The following CFAP44 variants were observed in gnomAD, a reference collection of about 807,000 sequenced individuals.
CFAP44 encodes cilia- and flagella-associated protein 44.
In CFAP44, 134 loss-of-function variants were observed where a neutral mutation model predicts 216.2. That is an observed-to-expected ratio of 0.62 (90% CI 0.54 to 0.72). The LOEUF (loss-of-function observed/expected upper bound fraction) is 0.72, where lower values mean the gene tolerates loss of function less well. CFAP44 is among the 30% of genes least tolerant of loss of function. The pLI is 0.00. For missense variants in CFAP44, 2,035 were observed against 2,182.1 expected (o/e 0.93, Z 1.34); for synonymous variants, 700 against 727.6 (o/e 0.96, Z 0.61).
At chr3:113,404,153 A>G in intron 8 of CFAP44, 137 bp from the exon 9 acceptor site, 1 of 1,115,506 alleles carries the variant, frequency 9.0e-7, no homozygotes, top group Admixed American at 3.1e-5. Context: ...AAATAAAAAA[A>G]TACAGAAATG....
At chr3:113,366,738 A>C (rs2107318289) in intron 18 of CFAP44, among the ~76,000 whole-genome samples, 1 of 152,290 alleles carries the variant, frequency 6.6e-6, no homozygotes, top group Non-Finnish European at 1.5e-5. Context: ...GATGGAGGGC[A>C]AGCCGAAGCA....
chr3:113,411,073 A>C lies in CFAP44; in HGVS notation c.674-1751T>G, dbSNP rs577562481. Among the ~76,000 whole-genome samples, 174 of 152,164 alleles carry C rather than the reference A, an allele frequency of 1.1e-3. 1 individual carries two copies. Among genetic ancestry groups the C allele is most frequent in the African/African-American group, 3.2e-3 (131 of 41,534 alleles). ...CTTTGTCAGATGAGTAGATTGCAAA[A>C]ATTTTCTCCCATTCTGTAAGTTGCC... On this transcript the variant is annotated intron_variant, in intron 6 of 34. Coordinates refer to ENST00000393845, the MANE Select transcript of CFAP44 (RefSeq NM_001164496.2).
intron 15 of CFAP44, among the ~76,000 whole-genome samples, chr3:113,382,661 T>G (rs749165764): frequency 6.6e-6 from 1 of 150,598 alleles, no homozygotes. Context: ...GAAAAAAAAC[T>G]GGGAGAAAGT....
chr3:113,344,223 A>G (rs1298559739), intron 23 of CFAP44, among the ~76,000 whole-genome samples: 1 of 151,998 alleles, frequency 6.6e-6, no homozygotes, highest in Non-Finnish European at 1.5e-5. Flanking sequence ...AGCAGCATCC[A>G]GTCCTCTCAC....
At chr3:113,348,248 G>A (rs906761427) in intron 22 of CFAP44, among the ~76,000 whole-genome samples, 3 of 152,072 alleles carry the variant, frequency 2.0e-5, no homozygotes, top group Non-Finnish European at 4.4e-5. Flanking sequence ...CCTTTCACAT[G>A]GGAAACACTC....
Position 113,416,619 on chromosome 3 carries a change from T to C in CFAP44, c.579A>G (p.Pro193=). 2 of 1,602,652 alleles carry C rather than the reference T, an allele frequency of 1.2e-6. No homozygotes were observed. The highest frequency in any genetic ancestry group is 1.7e-6 in the Non-Finnish European group (2 of 1,174,014). ...CAGCTACTGTGAAATAAGTTTTATG[T>C]GGATGAACCTACAAAAGATAAAATT... is the stretch of plus-strand genomic sequence containing the variant. ...GEGIGVIGVH[P]HKTYFTVAEK... The change falls in exon 6 of 35, where the codon CCA becomes CCG. Residue 193 remains proline, a synonymous_variant. Coordinates refer to ENST00000393845, the MANE Select transcript of CFAP44 (RefSeq NM_001164496.2).
chr3:113,365,035 TC>T (rs1559924705), intron 19 of CFAP44, among the ~76,000 whole-genome samples: 1 of 152,144 alleles, frequency 6.6e-6, no homozygotes, highest in African/African-American at 2.4e-5. Flanking sequence ...TATTTTTCTA[TC>T]CAATATGGGT....
intron 4 of CFAP44, among the ~76,000 whole-genome samples, chr3:113,421,487 T>C (rs1387734823): frequency 6.6e-6 from 1 of 152,234 alleles, no homozygotes; most frequent in African/African-American, 2.4e-5. Context: ...ATCCAATTAC[T>C]GGGGATATAC....
Position 113,298,474 on chromosome 3 carries a change from C to T in CFAP44, c.5078-1589G>A, listed in dbSNP as rs979252052. Among the ~76,000 whole-genome samples the T allele has an allele frequency of 5.9e-5, 9 of 152,140 alleles. No individual in the cohort carries two copies. In the South Asian group the frequency reaches 1.2e-3, roughly 21 times the overall value. ...AAGCCATATGGTCCAGCCATATATC[C>T]CAATTCTGGGCACATATCCAAAAGA... On this transcript the variant is annotated intron_variant, in intron 32 of 34. Transcript: ENST00000393845.
chr3:113,409,330 G>A lies in CFAP44; in HGVS notation c.674-8C>T. The A allele has an allele frequency of 1.2e-6, 2 of 1,610,416 alleles. No homozygotes were observed. Among genetic ancestry groups the A allele is most frequent in the Non-Finnish European group, 1.7e-6 (2 of 1,177,600 alleles). The stretch of plus-strand genomic sequence containing the variant: ...ATCCCTTCTCAGTCCCATCTGGAAG[G>A]ATAAATGGAAGCCTAATAAATAAGG... On this transcript the variant is annotated splice_polypyrimidine_tract_variant and splice_region_variant and intron_variant, in intron 6 of 34. Transcript: ENST00000393845.
At chr3:113,322,776 T>C (rs970206738) in intron 28 of CFAP44, among the ~76,000 whole-genome samples, 1 of 152,230 alleles carries the variant, frequency 6.6e-6, no homozygotes. Context: ...AAAAGACATA[T>C]GCACTCATGT....
intron 22 of CFAP44, among the ~76,000 whole-genome samples, chr3:113,353,962 C>A (rs1950469668): frequency 6.6e-6 from 1 of 152,006 alleles, no homozygotes; most frequent in Non-Finnish European, 1.5e-5. Flanking sequence ...TCCCATAAAC[C>A]TGATAATACA....
intron 28 of CFAP44, among the ~76,000 whole-genome samples, chr3:113,310,030 G>A (rs910230768): frequency 2.6e-5 from 4 of 152,320 alleles, no homozygotes; most frequent in African/African-American, 9.6e-5. Context: ...AATCAGCAAA[G>A]GTTAAGTGGA....
chr3:113,366,204 G>A lies in CFAP44; in HGVS notation c.2550C>T (p.His850=). Residue 850 remains histidine, a synonymous_variant, in exon 19 of 35, where the codon CAC becomes CAT. Coordinates refer to ENST00000393845, the MANE Select transcript of CFAP44 (RefSeq NM_001164496.2). ...PSLTSLVDYW[H]FNMHDNNYGC... ...CATAATTATTGTCATGCATATTGAA[G>A]TGCCAGTAGTCCACCAAACTGGTCA... 1 of 1,613,990 alleles carries A rather than the reference G, an allele frequency of 6.2e-7. No homozygotes were observed.
chr3:113,334,876 A>T (rs952629438), intron 24 of CFAP44, among the ~76,000 whole-genome samples: 1 of 152,230 alleles, frequency 6.6e-6, no homozygotes, highest in Non-Finnish European at 1.5e-5. Context: ...AGATCACAAC[A>T]TTCCTGTCTA....
intron 34 of CFAP44, chr3:113,294,266 C>T (rs367919758): frequency 1.5e-5 from 4 of 261,748 alleles, no homozygotes; most frequent in Admixed American, 5.0e-5. Flanking sequence ...TTGAAACCCA[C>T]ACAAAGTGAC....
chr3:113,413,784 C>T (rs1934563438), intron 6 of CFAP44, among the ~76,000 whole-genome samples: 2 of 152,194 alleles, frequency 1.3e-5, no homozygotes, highest in Non-Finnish European at 2.9e-5. Flanking sequence ...AGTTTGAAGT[C>T]AGGTAGTGTG....
chr3:113,333,638 T>C, intron 24 of CFAP44, 55 bp from the exon 25 acceptor site: 1 of 1,423,618 alleles, frequency 7.0e-7, no homozygotes, highest in Non-Finnish European at 9.1e-7. Context: ...AAACTCTAAT[T>C]TGTCTACTTT....
chr3:113,372,647 G>T (rs1933206622), intron 18 of CFAP44, among the ~76,000 whole-genome samples: 1 of 152,170 alleles, frequency 6.6e-6, no homozygotes, highest in Non-Finnish European at 1.5e-5. Flanking sequence ...GTTGATAGGT[G>T]CAGCAAGCCA....
Sources: gnomAD v4.1 joint callset for allele counts (sites outside exome capture counted in the v4.1 genomes callset) on GRCh38, gnomAD v4.1.1 for gene constraint, MANE v1.5 for transcripts, NCBI Gene and HGNC (gene_info 2026-07-23, HGNC 2026-07-21) for gene names.